ZGRF1: variants seen among roughly 807,000 people sequenced by gnomAD.
ZGRF1 encodes zinc finger GRF-type containing 1.
A neutral mutation model predicts 203.5 loss-of-function variants in ZGRF1; 196 were observed. That is an observed-to-expected ratio of 0.96 (90% CI 0.86 to 1.08). ZGRF1 has a LOEUF of 1.08. ZGRF1 is among the 50% of genes least tolerant of loss of function. The pLI is 0.00. For missense variants in ZGRF1, 2,326 were observed against 2,416.3 expected (o/e 0.96, Z 0.78); for synonymous variants, 809 against 841.3 (o/e 0.96, Z 0.66).
chr4:112,554,893 A>G (rs901444153), intron 20 of ZGRF1, 111 bp from the exon 21 acceptor site: 11 of 528,794 alleles, frequency 2.1e-5, no homozygotes, highest in Admixed American at 1.1e-4. Context: ...TTTTAATTAT[A>G]AAATTTAATG....
In ZGRF1 at chr4:112,542,714, C is replaced by T. The variant is rs543705699; in HGVS notation, c.5599-1446G>A. Among the ~76,000 whole-genome samples the T allele has an allele frequency of 3.6e-4, 55 of 152,276 alleles. 2 individuals are homozygous for T. In the South Asian group the frequency reaches 0.011, roughly 32 times the overall value. ...TCAGCTTCCTGAGTAGCTGGGACTA[C>T]AGGTGCCTGACACCCCACCCAACTT... On this transcript the variant is annotated intron_variant, in intron 24 of 27. Transcript: ENST00000505019.
At chr4:112,627,048 T>C (rs2047262052) in intron 3 of ZGRF1, among the ~76,000 whole-genome samples, 1 of 152,182 alleles carries the variant, frequency 6.6e-6, no homozygotes, top group Non-Finnish European at 1.5e-5. Context: ...TGACCTCAAG[T>C]GATCTGCCCA....
intron 6 of ZGRF1, among the ~76,000 whole-genome samples, chr4:112,614,295 T>A (rs1277260884): frequency 6.6e-6 from 1 of 152,234 alleles, no homozygotes; most frequent in Non-Finnish European, 1.5e-5. Context: ...TCATTACTCA[T>A]GGATTCTGCC....
At chr4:112,560,071 C>T (rs1215081243) in intron 19 of ZGRF1, among the ~76,000 whole-genome samples, 1 of 152,096 alleles carries the variant, frequency 6.6e-6, no homozygotes, top group Non-Finnish European at 1.5e-5. Flanking sequence ...ATTTGGTCAA[C>T]AGGGTGGATA....
intron 13 of ZGRF1, 23 bp downstream of exon 13, chr4:112,586,422 C>G (rs756553069): frequency 6.4e-7 from 1 of 1,558,954 alleles, no homozygotes; most frequent in African/African-American, 1.4e-5. Flanking sequence ...AATCATGATA[C>G]AATAAAAACA....
intron 16 of ZGRF1, chr4:112,565,154 A>G: frequency 6.8e-7 from 1 of 1,467,822 alleles, no homozygotes; most frequent in Non-Finnish European, 9.6e-7. Flanking sequence ...AGATGTTATC[A>G]GAAGTCCACT....
chr4:112,613,288 T>C (rs191613240), intron 6 of ZGRF1, among the ~76,000 whole-genome samples: 2 of 152,216 alleles, frequency 1.3e-5, no homozygotes, highest in East Asian at 3.9e-4. Flanking sequence ...TGAGACCATG[T>C]CTCAAACAAA....
chr4:112,635,423 A>G (rs1285215366), intron 1 of ZGRF1, among the ~76,000 whole-genome samples: 4 of 151,854 alleles, frequency 2.6e-5, no homozygotes, highest in Non-Finnish European at 4.4e-5. Flanking sequence ...TGGCTTTTTA[A>G]CTTTTCTTTT....
chr4:112,590,180 G>A (rs1308933890), intron 10 of ZGRF1, among the ~76,000 whole-genome samples: 1 of 152,120 alleles, frequency 6.6e-6, no homozygotes, highest in African/African-American at 2.4e-5. Context: ...CCATTCTAAG[G>A]GGCTCAGGCC....
intron 22 of ZGRF1, among the ~76,000 whole-genome samples, chr4:112,553,069 A>C (rs1190456983): frequency 3.3e-5 from 5 of 152,220 alleles, no homozygotes; most frequent in East Asian, 1.9e-4. Flanking sequence ...GTTAACCCTC[A>C]TTATTTCAGC....
Position 112,539,984 on chromosome 4 carries a change from A to C in ZGRF1, c.6051T>G (p.Ile2017Met), listed in dbSNP as rs775607152. The C allele has an allele frequency of 3.8e-5, 61 of 1,613,702 alleles. No homozygotes were observed. The highest frequency in any genetic ancestry group is 5.0e-5 in the Non-Finnish European group (59 of 1,179,818). The change falls in exon 27 of 28, where the codon ATT becomes ATG. Residue 2017 changes from isoleucine to methionine, a missense_variant. Physicochemically the swap from Ile to Met is conservative, Grantham distance 10. Transcript: ENST00000505019. ...SCVRTRQVGFIDSEKRMNVAL... is the reference protein window; with the variant it reads ...SCVRTRQVGFMDSEKRMNVAL... ...CAACATTCATTCTTTTTTCTGAATC[A>C]ATGAATCCTACTTGTCTTGTCCTTA...
chr4:112,586,418 G>A, intron 13 of ZGRF1, 27 bp downstream of exon 13: 2 of 1,548,182 alleles, frequency 1.3e-6, no homozygotes, highest in East Asian at 2.3e-5. Context: ...CAGCAATCAT[G>A]ATACAATAAA....
chr4:112,633,105 A>T (rs1241524982), intron 2 of ZGRF1, 51 bp downstream of exon 2: 2 of 1,534,420 alleles, frequency 1.3e-6, no homozygotes, highest in Non-Finnish European at 1.8e-6. Context: ...TTTAAAAGAA[A>T]GAGACAGAGG....
At chr4:112,611,173 C>A (rs1334717627) in intron 7 of ZGRF1, among the ~76,000 whole-genome samples, 1 of 151,870 alleles carries the variant, frequency 6.6e-6, no homozygotes, top group Non-Finnish European at 1.5e-5. Context: ...GAGCCTGAGG[C>A]GGGTGGATCA....
At chr4:112,620,635 G>T (rs2047032427) in intron 4 of ZGRF1, among the ~76,000 whole-genome samples, 1 of 152,136 alleles carries the variant, frequency 6.6e-6, no homozygotes, top group African/African-American at 2.4e-5. Context: ...AAGGCAGGGG[G>T]ATTGCTTGAA....
chr4:112,562,179 GATT>G, intron 18 of ZGRF1, 189 bp downstream of exon 18: 1 of 455,098 alleles, frequency 2.2e-6, no homozygotes, highest in South Asian at 2.2e-5. Context: ...AAAGTGCTGG[GATT>G]ACAGGCATGA....
chr4:112,598,770 G>A (rs1292350321), intron 10 of ZGRF1, among the ~76,000 whole-genome samples: 3 of 152,000 alleles, frequency 2.0e-5, no homozygotes, highest in Non-Finnish European at 4.4e-5. Context: ...TCATAATCAG[G>A]CCAGTCACGG....
At chr4:112,607,833 T>G (rs1035051528) in intron 8 of ZGRF1, 3 of 152,316 alleles carry the variant, frequency 2.0e-5, no homozygotes, top group Non-Finnish European at 4.4e-5. Context: ...CCCAGCTACT[T>G]TGGAGGCTGA....
At chr4:112,548,782 T>G (rs1578673494) in intron 22 of ZGRF1, among the ~76,000 whole-genome samples, 1 of 152,018 alleles carries the variant, frequency 6.6e-6, no homozygotes, top group African/African-American at 2.4e-5. Context: ...CGAAATATTC[T>G]TTGCTTAACC....
Sources: gnomAD v4.1 joint callset for allele counts (sites outside exome capture counted in the v4.1 genomes callset) on GRCh38, gnomAD v4.1.1 for gene constraint, MANE v1.5 for transcripts, NCBI Gene and HGNC (gene_info 2026-07-23, HGNC 2026-07-21) for gene names.